The following TNFSF13B variants were observed in gnomAD, a reference collection of about 807,000 sequenced individuals.
TNFSF13B encodes TNF superfamily member 13b.
TNFSF13B carries 8 observed loss-of-function variants against 29.1 expected under a neutral mutation model. The observed-to-expected ratio is 0.27, with a 90% CI of 0.16 to 0.50. TNFSF13B has a LOEUF of 0.50. Ranked by LOEUF, TNFSF13B falls within the 20% of genes least tolerant of loss-of-function variation. The pLI is 0.98. For missense variants in TNFSF13B, 248 were observed against 334.9 expected (o/e 0.74, Z 2.03); for synonymous variants, 125 against 130.8 (o/e 0.96, Z 0.30).
intron 3 of TNFSF13B, among the ~76,000 whole-genome samples, chr13:108,287,204 G>T (rs1486947702): frequency 6.6e-6 from 1 of 151,938 alleles, no homozygotes; most frequent in Non-Finnish European, 1.5e-5. Context: ...ACACCAACAT[G>T]GCACATGTAT....
In TNFSF13B at chr13:108,291,715, G is replaced by GT. The variant is rs1391900787; in HGVS notation, c.481+4862dup. Among the ~76,000 whole-genome samples the GT allele has an allele frequency of 2.0e-5, 3 of 151,846 alleles. No individual in the cohort carries two copies. The East Asian group carries it at 5.8e-4, about 29-fold the overall frequency. ...TGTATGCAAAACAGAGTTGCTCTTTGTTTTTTGATATCATCTTAAAATAAT... is the reference window on the plus strand; with the variant it reads ...TGTATGCAAAACAGAGTTGCTCTTTGTTTTTTTGATATCATCTTAAAATAAT... On this transcript the variant is annotated intron_variant, in intron 3 of 5. Transcript: ENST00000375887.
intron 3 of TNFSF13B, among the ~76,000 whole-genome samples, chr13:108,287,235 T>G (rs887722856): frequency 6.6e-6 from 1 of 152,158 alleles, no homozygotes; most frequent in East Asian, 1.9e-4. Context: ...CTAACCTGCA[T>G]GTTGTGCACA....
Position 108,299,283 on chromosome 13 carries a change from T to C in TNFSF13B, c.482-3970T>C, listed in dbSNP as rs373405250. ...AGTATTAATCTTGTAATAATGACTTTATTCTTTTGGTCCGCTGAGTAGTTC... is the reference window on the plus strand; with the variant it reads ...AGTATTAATCTTGTAATAATGACTTCATTCTTTTGGTCCGCTGAGTAGTTC... On this transcript the variant is annotated intron_variant, in intron 3 of 5. Coordinates refer to ENST00000375887, the MANE Select transcript of TNFSF13B (RefSeq NM_006573.5). 1.2e-3 allele frequency among the ~76,000 whole-genome samples: 173 copies of C among 145,662 alleles called. 20 individuals carry two copies. The highest frequency in any genetic ancestry group is 7.0e-3 in the Middle Eastern group (2 of 286).
intron 2 of TNFSF13B, among the ~76,000 whole-genome samples, chr13:108,274,151 G>T (rs540812107): frequency 2.0e-3 from 300 of 152,040 alleles, no homozygotes; most frequent in Non-Finnish European, 3.2e-3. Context: ...TATCAGAAAG[G>T]CTTCTGGTCA....
intron 3 of TNFSF13B, 113 bp from the exon 4 acceptor site, chr13:108,303,140 T>G (rs1020110689): frequency 2.1e-5 from 16 of 755,132 alleles, no homozygotes; most frequent in African/African-American, 3.6e-5. Context: ...TTTCTTTCTT[T>G]TTTTTTTAGG....
intron 2 of TNFSF13B, among the ~76,000 whole-genome samples, chr13:108,285,932 A>T (rs1881115037): frequency 6.6e-6 from 1 of 152,220 alleles, no homozygotes; most frequent in African/African-American, 2.4e-5. Flanking sequence ...AGGTGTACTT[A>T]ATTTGCTTTT....
intron 3 of TNFSF13B, among the ~76,000 whole-genome samples, chr13:108,287,287 T>C (rs543276338): frequency 6.6e-6 from 1 of 152,134 alleles, no homozygotes; most frequent in Non-Finnish European, 1.5e-5. Flanking sequence ...AAATAAAATA[T>C]CCCCAGTACT....
At chr13:108,286,094 G>T (rs1373303173) in intron 2 of TNFSF13B, among the ~76,000 whole-genome samples, 1 of 152,152 alleles carries the variant, frequency 6.6e-6, no homozygotes, top group African/African-American at 2.4e-5. Context: ...CATTTTATTT[G>T]TAAAAGATGT....
chr13:108,277,483 G>A (rs1332763642), intron 2 of TNFSF13B, among the ~76,000 whole-genome samples: 1 of 152,062 alleles, frequency 6.6e-6, no homozygotes, highest in Non-Finnish European at 1.5e-5. Flanking sequence ...GGTCGCCAGA[G>A]AAATGTTACA....
At position 108,307,599 on chromosome 13, in the gene TNFSF13B, T is replaced by G. The variant is rs1881816501; in HGVS notation, c.*661T>G. On this transcript the variant is annotated 3_prime_UTR_variant, in exon 6 of 6. Coordinates refer to ENST00000375887, the MANE Select transcript of TNFSF13B (RefSeq NM_006573.5). Reference sequence around the variant, plus strand: ...GTAATGTAATATATTACCCACACATTTTTTTCACAGGAGAGAGAGAATATC... The same window carrying G: ...GTAATGTAATATATTACCCACACATGTTTTTCACAGGAGAGAGAGAATATC... 6.6e-6 allele frequency: 1 copy of G among 151,516 alleles called. No homozygotes were observed. The highest frequency in any genetic ancestry group is 1.5e-5 in the Non-Finnish European group (1 of 67,914). 9.4% of individuals were successfully genotyped at this position (151,516 alleles called of 1,614,324 possible).
intron 2 of TNFSF13B, among the ~76,000 whole-genome samples, chr13:108,278,885 T>G (rs376706176): frequency 3.9e-5 from 6 of 152,212 alleles, no homozygotes; most frequent in South Asian, 4.1e-4. Flanking sequence ...ATAAGACATT[T>G]TAGGAAAATG....
chr13:108,278,643 TCCA>T, intron 2 of TNFSF13B, among the ~76,000 whole-genome samples: 1 of 2,816 alleles, frequency 3.6e-4, no homozygotes, highest in African/African-American at 1.3e-3. Flanking sequence ...TTCCTCCTCC[TCCA>T]CTTCTCTTTC....
chr13:108,306,792 C>A (rs774263394), intron 5 of TNFSF13B, 34 bp from the exon 6 acceptor site: 3 of 1,228,386 alleles, frequency 2.4e-6, no homozygotes, highest in South Asian at 2.5e-5. Context: ...TGTTGTATAA[C>A]CACTTATAGT....
At chr13:108,270,840 G>T (rs564828579) in intron 2 of TNFSF13B, among the ~76,000 whole-genome samples, 1 of 152,166 alleles carries the variant, frequency 6.6e-6, no homozygotes, top group Non-Finnish European at 1.5e-5. Context: ...GAAAGTTAAA[G>T]ACATCTGTTT....
At chr13:108,291,392 C>T (rs1355855912) in intron 3 of TNFSF13B, among the ~76,000 whole-genome samples, 1 of 151,270 alleles carries the variant, frequency 6.6e-6, no homozygotes, top group Non-Finnish European at 1.5e-5. Context: ...TTTTAGTCTC[C>T]TTTTTTTTCT....
chr13:108,299,813 T>C (rs1198097056), intron 3 of TNFSF13B, among the ~76,000 whole-genome samples: 1 of 152,008 alleles, frequency 6.6e-6, no homozygotes, highest in Non-Finnish European at 1.5e-5. Context: ...AAAGACAATA[T>C]ATAAAAATAA....
At chr13:108,303,189 C>G (rs746963306) in intron 3 of TNFSF13B, 64 bp from the exon 4 acceptor site, 2 of 1,044,384 alleles carry the variant, frequency 1.9e-6, no homozygotes, top group African/African-American at 3.3e-5. Context: ...AGCTTAACAA[C>G]TAAATGGAGG....
chr13:108,278,628 T>TCCCCTTCTCTTCCTCCTCCC (rs1273719092), intron 2 of TNFSF13B, among the ~76,000 whole-genome samples: 1 of 120,574 alleles, frequency 8.3e-6, no homozygotes, highest in Non-Finnish European at 1.7e-5. Context: ...TTCCTCCTCC[T>TCCCCTTCTCTTCCTCCTCCC]CCCTTTCCTC....
At chr13:108,303,431 CAG>C (rs1881685658) in intron 4 of TNFSF13B, 21 bp from the exon 5 acceptor site, 1 of 1,609,420 alleles carries the variant, frequency 6.2e-7, no homozygotes, top group South Asian at 1.1e-5. Context: ...ATTTCTGACA[CAG>C]TTTTTTGGTT....
Sources: allele counts gnomAD v4.1 joint callset (sites outside exome capture counted in the v4.1 genomes callset), GRCh38; gene constraint gnomAD v4.1.1; transcripts MANE v1.5; gene names NCBI Gene and HGNC (gene_info 2026-07-23, HGNC 2026-07-21).